The following CPEB3 variants were observed in gnomAD, a reference collection of about 807,000 sequenced individuals.
CPEB3 encodes cytoplasmic polyadenylation element-binding protein 3.
CPEB3 carries 20 observed loss-of-function variants against 67.2 expected under a neutral mutation model. The observed-to-expected ratio is 0.30, with a 90% confidence interval of 0.21 to 0.43. The LOEUF (loss-of-function observed/expected upper bound fraction) is 0.43, where lower values mean the gene tolerates loss of function less well. CPEB3 is among the 20% of genes least tolerant of loss of function. CPEB3 has a pLI of 1.00. For missense variants in CPEB3, 746 were observed against 968.6 expected (o/e 0.77, Z 3.05); for synonymous variants, 376 against 393.1 (o/e 0.96, Z 0.51).
intron 1 of CPEB3, among the ~76,000 whole-genome samples, chr10:92,275,606 C>T (rs1348610694): frequency 6.6e-6 from 1 of 152,078 alleles, no homozygotes; most frequent in Non-Finnish European, 1.5e-5. Flanking sequence ...AGTTGTGCAA[C>T]AATCACTATA....
In CPEB3 at chr10:92,098,160, T is replaced by TAAAA. The variant is rs1166249584; in HGVS notation, c.1573-6220_1573-6217dup. 7.7e-3 allele frequency among the ~76,000 whole-genome samples: 279 copies of TAAAA among 36,124 alleles called. 29 individuals carry two copies. The highest frequency in any genetic ancestry group is 0.011 in the Non-Finnish European group (230 of 21,454). The allele number at this position is 36,124 out of a possible 152,430, so 23.7% of individuals were successfully genotyped here. On this transcript the variant is annotated intron_variant, in intron 7 of 9. Coordinates refer to ENST00000265997, the MANE Select transcript of CPEB3 (RefSeq NM_014912.5). The stretch of plus-strand genomic sequence containing the variant: ...TGGGCAACAAGAGTGACACTCTGCC[T>TAAAA]AAAAAAAAAAAAAAAAAAAAAAAAA...
In CPEB3 at chr10:92,240,073, G is replaced by C; in HGVS notation, c.278C>G (p.Pro93Arg). The C allele has an allele frequency of 6.3e-7, 1 of 1,587,066 alleles. No homozygotes were observed. Among genetic ancestry groups the C allele is most frequent in the Non-Finnish European group, 8.6e-7 (1 of 1,166,516 alleles). Reference protein sequence around the residue: ...FHQPPQQPPPPQEPAAPGASL... With the variant: ...FHQPPQQPPPRQEPAAPGASL... ...CGCGCCCGGTGCCGCGGGCTCCTGA[G>C]GCGGCGGCGGCTGCTGAGGAGGCTG... Residue 93 changes from proline (P) to arginine (R), a missense_variant, in exon 2 of 10, where the codon CCT (proline) becomes CGT (arginine). Coordinates refer to ENST00000265997, the MANE Select transcript of CPEB3 (RefSeq NM_014912.5).
chr10:92,048,387 T>TCTCTCACACA lies in CPEB3; in HGVS notation c.*3824_*3825insTGTGTGAGAG, dbSNP rs546300433. On this transcript the variant is annotated 3_prime_UTR_variant, in exon 10 of 10. Coordinates refer to ENST00000265997, the MANE Select transcript of CPEB3 (RefSeq NM_014912.5). The surrounding 1 kb of genome is among the most constrained non-coding windows in gnomAD (Gnocchi z 4.1). ...TTCTCTCTCTCTCTCTCTCTCTCTCTCACACACACACACACACACACGACA... is the reference window on the plus strand; with the variant it reads ...TTCTCTCTCTCTCTCTCTCTCTCTCTCTCTCACACACACACACACACACACACACACGACA... The TCTCTCACACA allele has an allele frequency of 6.4e-5, 9 of 141,382 alleles. No individual in the cohort carries two copies. Among genetic ancestry groups the TCTCTCACACA allele is most frequent in the South Asian group, 2.3e-4 (1 of 4,270 alleles). 8.8% of individuals were successfully genotyped at this position (141,382 alleles called of 1,614,324 possible).
chr10:92,094,023 T>C (rs561471885), intron 7 of CPEB3, among the ~76,000 whole-genome samples: 1 of 151,994 alleles, frequency 6.6e-6, no homozygotes, highest in African/African-American at 2.4e-5. Context: ...CCTGGGTAAT[T>C]TTTGTATTTT....
At chr10:92,137,062 G>T (rs2133775442) in intron 6 of CPEB3, 1 of 264,912 alleles carries the variant, frequency 3.8e-6, no homozygotes. Context: ...CAAGGATTAT[G>T]ATGTGATCAC....
chr10:92,129,484 T>C (rs1232363084), intron 6 of CPEB3, among the ~76,000 whole-genome samples: 2 of 151,924 alleles, frequency 1.3e-5, no homozygotes, highest in Non-Finnish European at 2.9e-5. Flanking sequence ...GATAGAAAAA[T>C]GATGGTTGGT....
chr10:92,180,583 T>C (rs1292518129), intron 4 of CPEB3, among the ~76,000 whole-genome samples: 1 of 152,246 alleles, frequency 6.6e-6, no homozygotes, highest in African/African-American at 2.4e-5. Flanking sequence ...TGGGTGTGGC[T>C]ATATTCCAAT....
At chr10:92,118,657 GGC>G (rs1845161156) in intron 6 of CPEB3, 3 of 636,838 alleles carry the variant, frequency 4.7e-6, no homozygotes, top group South Asian at 4.7e-5. Context: ...AACCCAAGAT[GGC>G]TGCACTCTTG....
At chr10:92,070,860 A>G (rs1375331303) in intron 9 of CPEB3, among the ~76,000 whole-genome samples, 1 of 152,008 alleles carries the variant, frequency 6.6e-6, no homozygotes, top group Non-Finnish European at 1.5e-5. Flanking sequence ...GTTTAAAAAA[A>G]AAAAAAAAAC....
chr10:92,204,903 C>T (rs984619521), intron 2 of CPEB3, among the ~76,000 whole-genome samples: 16 of 134,658 alleles, frequency 1.2e-4, no homozygotes, highest in Admixed American at 1.7e-4. Flanking sequence ...TAAAGTGGTA[C>T]TATAATGGCT....
chr10:92,234,829 G>C (rs1851448751), intron 2 of CPEB3, among the ~76,000 whole-genome samples: 1 of 152,148 alleles, frequency 6.6e-6, no homozygotes, highest in Admixed American at 6.5e-5. Flanking sequence ...CGAGGCTGAG[G>C]CAGGAGAATC....
intron 6 of CPEB3, among the ~76,000 whole-genome samples, chr10:92,129,749 C>A (rs982683368): frequency 1.3e-5 from 2 of 152,190 alleles, no homozygotes; most frequent in East Asian, 1.9e-4. Flanking sequence ...TCTTCTACCT[C>A]ACAACATCCC....
At position 92,047,297 on chromosome 10, in the gene CPEB3, T is replaced by C. The variant is rs1033680014; in HGVS notation, c.*4915A>G. The C allele has an allele frequency of 1.3e-5, 2 of 151,560 alleles. No individual in the cohort carries two copies. Among genetic ancestry groups the C allele is most frequent in the African/African-American group, 4.8e-5 (2 of 41,358 alleles). 9.4% of individuals were successfully genotyped at this position (151,560 alleles called of 1,614,324 possible). ...AAAACAAATGTTAGCTGACATACCA[T>C]ACAAGCTAGTGAAAAGCAACAATCC... On this transcript the variant is annotated 3_prime_UTR_variant, in exon 10 of 10. Coordinates refer to ENST00000265997, the MANE Select transcript of CPEB3 (RefSeq NM_014912.5).
intron 4 of CPEB3, among the ~76,000 whole-genome samples, chr10:92,162,965 C>CCCCA (rs1847565743): frequency 2.6e-5 from 4 of 152,128 alleles, no homozygotes; most frequent in Admixed American, 2.6e-4. Flanking sequence ...TATCAACATC[C>CCCCA]CCCACCATAG....
chr10:92,053,310 ACTTTC>A (rs1015933284), intron 9 of CPEB3, among the ~76,000 whole-genome samples: 10 of 151,980 alleles, frequency 6.6e-5, no homozygotes, highest in Non-Finnish European at 1.3e-4. Context: ...GTTCTCACCC[ACTTTC>A]CTTTCCTAAA....
intron 9 of CPEB3, among the ~76,000 whole-genome samples, chr10:92,078,022 T>C (rs1843001994): frequency 6.6e-6 from 1 of 152,200 alleles, no homozygotes; most frequent in Admixed American, 6.5e-5. Flanking sequence ...AGTAGCATTC[T>C]TGTGCCCACT....
chr10:92,102,525 T>A (rs757673270), intron 7 of CPEB3, among the ~76,000 whole-genome samples: 8 of 152,314 alleles, frequency 5.3e-5, no homozygotes, highest in African/African-American at 1.9e-4. Flanking sequence ...TATTATCTGA[T>A]GCAAGGAAGC....
At position 92,145,075 on chromosome 10, in the gene CPEB3, C is replaced by T; in HGVS notation, c.1233G>A (p.Leu411=). 6.2e-7 allele frequency: 1 copy of T among 1,614,066 alleles called. No homozygotes were observed. The highest frequency in any genetic ancestry group is 8.5e-7 in the Non-Finnish European group (1 of 1,179,994). ...DNIMALNNAF[L]DDSHGDQALS... is the part of the protein sequence containing the mutation. ...AGGCTTGATCACCATGGCTATCATC[C>T]AGGAAGGCATCTTCAAAGGGAAAGA... Residue 411 remains leucine (L), a synonymous_variant, in exon 5 of 10, where the codon CTG becomes CTA. Coordinates refer to ENST00000265997, the MANE Select transcript of CPEB3 (RefSeq NM_014912.5).
At chr10:92,242,216 T>G (rs1851880931) in intron 1 of CPEB3, among the ~76,000 whole-genome samples, 1 of 152,184 alleles carries the variant, frequency 6.6e-6, no homozygotes. Context: ...TGCTCTCCCT[T>G]CTATTCCTCA....
Sources: gnomAD v4.1 joint callset for allele counts (sites outside exome capture counted in the v4.1 genomes callset) on GRCh38, gnomAD v4.1.1 for gene constraint, Gnocchi (gnomAD v3.1) non-coding constraint, MANE v1.5 for transcripts, NCBI Gene and HGNC (gene_info 2026-07-23, HGNC 2026-07-21) for gene names.